NCKAP5: variants seen among roughly 807,000 people sequenced by gnomAD.
NCKAP5 encodes NCK associated protein 5.
In NCKAP5, 92 loss-of-function variants were observed where a neutral mutation model predicts 167.0. The ratio of observed to expected loss-of-function variants is 0.55; its 90% CI spans 0.47 to 0.66. The LOEUF (loss-of-function observed/expected upper bound fraction) is 0.66, where lower values mean the gene tolerates loss of function less well. NCKAP5 is among the 30% of genes least tolerant of loss of function. NCKAP5 has a pLI of 0.00. For missense variants in NCKAP5, 2,378 were observed against 2,315.0 expected (o/e 1.03, Z -0.56); for synonymous variants, 891 against 877.4 (o/e 1.02, Z -0.27).
chr2:133,458,330 A>T (rs573825091), intron 3 of NCKAP5, among the ~76,000 whole-genome samples: 6 of 152,280 alleles, frequency 3.9e-5, no homozygotes, highest in African/African-American at 1.4e-4. Context: ...TTCTACCATG[A>T]AAGTTTTCAT....
At chr2:133,628,952 G>A in the NCKAP5 span, among the ~76,000 whole-genome samples, 4 of 152,148 alleles carry the variant, frequency 2.6e-5, no homozygotes, top group Non-Finnish European at 4.4e-5. Flanking sequence ...GATTGAAACT[G>A]GACCCCTTCC....
rs113783322 is a variant in NCKAP5, at chr2:133,559,527, T to G, written c.-129-410A>C. Among the ~76,000 whole-genome samples the G allele has an allele frequency of 3.1e-3, 474 of 152,280 alleles. 2 individuals are homozygous for G. Among genetic ancestry groups the G allele is most frequent in the African/African-American group, 0.011 (455 of 41,536 alleles). On this transcript the variant is annotated intron_variant, in intron 1 of 19. Coordinates refer to ENST00000409261, the MANE Select transcript of NCKAP5 (RefSeq NM_207363.3). The stretch of plus-strand genomic sequence containing the variant: ...TTTTAGAGATGGGGTCTTGTTATGT[T>G]GGCCAGGCTGGTCTTGAACTCCTGG...
chr2:133,597,805 C>T, the NCKAP5 span, among the ~76,000 whole-genome samples: 9 of 152,162 alleles, frequency 5.9e-5, no homozygotes, highest in African/African-American at 1.9e-4. Context: ...CTAAGCACAG[C>T]CAGTGGATGC....
At chr2:133,105,632 C>T (rs765915842) in intron 6 of NCKAP5, among the ~76,000 whole-genome samples, 2 of 152,162 alleles carry the variant, frequency 1.3e-5, no homozygotes, top group African/African-American at 2.4e-5. Flanking sequence ...AGCCCATCCA[C>T]TGGGCATTCC....
At chr2:133,269,894 A>C (rs536752935) in intron 4 of NCKAP5, among the ~76,000 whole-genome samples, 1 of 152,188 alleles carries the variant, frequency 6.6e-6, no homozygotes, top group South Asian at 2.1e-4. Flanking sequence ...AATTGCTTTG[A>C]ATGTAGAGCC....
chr2:132,703,891 A>ACATACAT (rs1467394117), intron 19 of NCKAP5, among the ~76,000 whole-genome samples: 1 of 152,206 alleles, frequency 6.6e-6, no homozygotes. Flanking sequence ...AGCACTGCTG[A>ACATACAT]CATACATGGA....
At chr2:133,148,974 G>A (rs181154287) in intron 5 of NCKAP5, among the ~76,000 whole-genome samples, 59 of 152,174 alleles carry the variant, frequency 3.9e-4, no homozygotes, top group Non-Finnish European at 7.2e-4. Flanking sequence ...TAGTTTCCCT[G>A]TTATTTCAGC....
intron 4 of NCKAP5, among the ~76,000 whole-genome samples, chr2:133,274,250 A>G (rs982658515): frequency 6.6e-6 from 1 of 152,016 alleles, no homozygotes; most frequent in African/African-American, 2.4e-5. Flanking sequence ...TATGTACCAA[A>G]TTATTAGAAG....
intron 19 of NCKAP5, among the ~76,000 whole-genome samples, chr2:132,717,106 G>A (rs1169393580): frequency 1.3e-5 from 2 of 152,136 alleles, no homozygotes; most frequent in African/African-American, 4.8e-5. Context: ...TTCTGGCAAG[G>A]GTCTCAGAGC....
chr2:133,389,717 T>C (rs1267159063), intron 3 of NCKAP5, among the ~76,000 whole-genome samples: 1 of 152,226 alleles, frequency 6.6e-6, no homozygotes, highest in East Asian at 1.9e-4. Context: ...AATCTTGGCT[T>C]GTGCACACAT....
intron 5 of NCKAP5, among the ~76,000 whole-genome samples, chr2:133,163,137 C>G (rs543375689): frequency 6.6e-6 from 1 of 152,266 alleles, no homozygotes; most frequent in South Asian, 2.1e-4. Flanking sequence ...GAAAACACCC[C>G]AAACAGTACT....
the NCKAP5 span, among the ~76,000 whole-genome samples, chr2:133,602,375 G>T: frequency 6.6e-6 from 1 of 152,180 alleles, no homozygotes; most frequent in African/African-American, 2.4e-5. Flanking sequence ...GACTTGTGGG[G>T]TGTAGACAAA....
chr2:132,902,236 A>G (rs1184360167), intron 8 of NCKAP5, among the ~76,000 whole-genome samples: 1 of 152,228 alleles, frequency 6.6e-6, no homozygotes, highest in Non-Finnish European at 1.5e-5. Flanking sequence ...CATAGTTAAA[A>G]AATGAGAAAT....
At chr2:132,768,637 C>CTTTTT (rs566719697) in intron 16 of NCKAP5, among the ~76,000 whole-genome samples, 4 of 124,584 alleles carry the variant, frequency 3.2e-5, no homozygotes, top group Non-Finnish European at 6.6e-5. Context: ...TTAATAATAT[C>CTTTTT]TTTTTTTTTT....
chr2:133,232,486 C>T (rs1452686861), intron 4 of NCKAP5, among the ~76,000 whole-genome samples: 4 of 152,128 alleles, frequency 2.6e-5, no homozygotes, highest in African/African-American at 7.2e-5. Context: ...GGGAAAACAA[C>T]TAGAAATGTC....
At chr2:132,876,318 A>G (rs1381693737) in intron 9 of NCKAP5, among the ~76,000 whole-genome samples, 2 of 151,986 alleles carry the variant, frequency 1.3e-5, no homozygotes, top group Admixed American at 1.3e-4. Context: ...GACCGGTCTT[A>G]AACTTCTGGG....
chr2:132,703,946 G>A (rs964374859), intron 19 of NCKAP5, among the ~76,000 whole-genome samples: 1 of 152,142 alleles, frequency 6.6e-6, no homozygotes, highest in Non-Finnish European at 1.5e-5. Context: ...TGATGTGCCA[G>A]TTAAAAAATG....
intron 11 of NCKAP5, among the ~76,000 whole-genome samples, chr2:132,818,005 C>T (rs781204779): frequency 2.0e-5 from 3 of 152,228 alleles, no homozygotes; most frequent in African/African-American, 4.8e-5. Flanking sequence ...TGCAGTGCCG[C>T]GGCATGATCA....
At chr2:132,918,234 T>G (rs746939944) in intron 8 of NCKAP5, among the ~76,000 whole-genome samples, 1 of 152,212 alleles carries the variant, frequency 6.6e-6, no homozygotes, top group Non-Finnish European at 1.5e-5. Context: ...TACCATTTTC[T>G]TCCTGATGTC....
Sources: allele counts gnomAD v4.1 joint callset (sites outside exome capture counted in the v4.1 genomes callset), GRCh38; gene constraint gnomAD v4.1.1; transcripts MANE v1.5; gene names NCBI Gene and HGNC (gene_info 2026-07-23, HGNC 2026-07-21).